TBCK: variants seen among roughly 807,000 people sequenced by gnomAD.
TBCK encodes the protein TBC1 domain containing kinase.
In TBCK, 99 loss-of-function variants were observed where a neutral mutation model predicts 113.4. That is an observed-to-expected ratio of 0.87 (90% CI 0.74 to 1.03). TBCK has a LOEUF of 1.03. TBCK is among the 50% of genes least tolerant of loss of function. The pLI, the probability that TBCK is intolerant of heterozygous loss-of-function variation, is 0.00. For missense variants in TBCK, 1,045 were observed against 1,061.3 expected, an observed-to-expected ratio of 0.98 and a Z score of 0.21; for synonymous variants, 369 against 370.8, an observed-to-expected ratio of 1.00 and a Z score of 0.05.
chr4:106,051,034 G>C (rs1380990188), intron 25 of TBCK, among the ~76,000 whole-genome samples: 3 of 151,864 alleles, frequency 2.0e-5, no homozygotes, highest in African/African-American at 7.3e-5. Context: ...TAAGAGACTG[G>C]CATGTTTGCC....
At chr4:106,250,381 T>C (rs763567597) in intron 7 of TBCK, 37 bp downstream of exon 7, 1 of 1,358,868 alleles carries the variant, frequency 7.4e-7, no homozygotes, top group Non-Finnish European at 1.0e-6. Context: ...GTAAGTTATA[T>C]TTATATTTGA....
At chr4:106,122,638 C>T (rs1481702794) in intron 23 of TBCK, among the ~76,000 whole-genome samples, 1 of 152,126 alleles carries the variant, frequency 6.6e-6, no homozygotes, top group African/African-American at 2.4e-5. Context: ...AAAATACTGG[C>T]AAAACGAATC....
At chr4:106,206,828 A>G (rs1755555759) in intron 20 of TBCK, among the ~76,000 whole-genome samples, 1 of 152,184 alleles carries the variant, frequency 6.6e-6, no homozygotes, top group Non-Finnish European at 1.5e-5. Flanking sequence ...ATCCTTTCAG[A>G]TTGTAGTTAA....
At chr4:106,247,381 A>C (rs1363868195) in intron 9 of TBCK, 94 bp from the exon 10 acceptor site, 20 of 1,155,692 alleles carry the variant, frequency 1.7e-5, no homozygotes, top group Non-Finnish European at 2.3e-5. Flanking sequence ...AAAAGTCTTA[A>C]ATACCTCATT....
At chr4:106,286,034 C>A (rs1765077573) in intron 3 of TBCK, among the ~76,000 whole-genome samples, 1 of 152,098 alleles carries the variant, frequency 6.6e-6, no homozygotes, top group South Asian at 2.1e-4. Context: ...TGGAACTGAA[C>A]CTAAAAGGAT....
chr4:106,215,948 T>C (rs1343312391), intron 19 of TBCK, among the ~76,000 whole-genome samples: 2,597 of 148,452 alleles, frequency 0.017, 64 homozygotes, highest in African/African-American at 0.059. Flanking sequence ...TATTCCAAAA[T>C]TGACCACATA....
At chr4:106,202,547 C>T (rs963569253) in intron 20 of TBCK, among the ~76,000 whole-genome samples, 2 of 151,882 alleles carry the variant, frequency 1.3e-5, no homozygotes, top group Non-Finnish European at 2.9e-5. Flanking sequence ...TTTCCATTTT[C>T]CACCTTTATT....
At chr4:106,095,412 G>A in intron 25 of TBCK, 70 bp downstream of exon 25, 1 of 1,386,720 alleles carries the variant, frequency 7.2e-7, no homozygotes, top group South Asian at 1.5e-5. Context: ...TATACTTTTA[G>A]ATAACCTTCA....
chr4:106,116,301 C>G lies in TBCK; in HGVS notation c.2313G>C (p.Leu771Phe), dbSNP rs368128484. ...AGTGGCCTGTCACTGTGAGCTCACACAAGTCAATCAGGTCCTCTGCTGAAA... is the reference window on the plus strand; with the variant it reads ...AGTGGCCTGTCACTGTGAGCTCACAGAAGTCAATCAGGTCCTCTGCTGAAA... ...PRISAEDLID[L>F]CELTVTGHFK... The change falls in exon 24 of 26, where the codon TTG becomes TTC. Residue 771 changes from leucine (L) to phenylalanine (F), a missense_variant. Transcript: ENST00000394708. 6.2e-7 allele frequency: 1 copy of G among 1,613,550 alleles called. No homozygotes were observed. Among genetic ancestry groups the G allele is most frequent in the Non-Finnish European group, 8.5e-7 (1 of 1,179,970 alleles).
chr4:106,184,476 CACTT>C (rs1752780157), intron 22 of TBCK, among the ~76,000 whole-genome samples: 1 of 151,992 alleles, frequency 6.6e-6, no homozygotes, highest in Non-Finnish European at 1.5e-5. Flanking sequence ...GTATCAGTCA[CACTT>C]ACAGATTACC....
chr4:106,057,397 C>T (rs1371965824), intron 25 of TBCK, among the ~76,000 whole-genome samples: 1 of 151,884 alleles, frequency 6.6e-6, no homozygotes, highest in East Asian at 1.9e-4. Flanking sequence ...AAGTTATTTT[C>T]CAAACGACTT....
intron 19 of TBCK, among the ~76,000 whole-genome samples, chr4:106,216,482 A>T: frequency 6.6e-6 from 1 of 152,174 alleles, no homozygotes; most frequent in Non-Finnish European, 1.5e-5. Flanking sequence ...AGAATAATAA[A>T]GAAAAAAAGA....
At chr4:106,169,863 G>T (rs4422480) in intron 23 of TBCK, among the ~76,000 whole-genome samples, 19,684 of 152,042 alleles carry the variant, frequency 0.13, 1,610 homozygotes, top group South Asian at 0.24. Flanking sequence ...TTCTCATAAG[G>T]AATATGCAAC....
At chr4:106,093,417 G>A (rs959299638) in intron 25 of TBCK, among the ~76,000 whole-genome samples, 5 of 152,174 alleles carry the variant, frequency 3.3e-5, no homozygotes, top group Admixed American at 6.5e-5. Flanking sequence ...TGAGGCAGGA[G>A]AATGGTGTGA....
At chr4:106,076,648 T>C (rs1560611405) in intron 25 of TBCK, among the ~76,000 whole-genome samples, 1 of 152,180 alleles carries the variant, frequency 6.6e-6, no homozygotes, top group African/African-American at 2.4e-5. Flanking sequence ...AAGGGAACTC[T>C]GTCAGGCTCA....
intron 12 of TBCK, chr4:106,237,542 T>C (rs771896518): frequency 8.8e-6 from 4 of 455,656 alleles, no homozygotes; most frequent in South Asian, 3.1e-5. Context: ...TCTGCTCCTA[T>C]GGGGATTGAC....
rs1434030109 is a variant in TBCK, at chr4:106,247,171, G to A, written c.899C>T (p.Thr300Ile). 2.5e-6 allele frequency: 4 copies of A among 1,613,460 alleles called. No individual in the cohort carries two copies. The highest frequency in any genetic ancestry group is 3.4e-6 in the Non-Finnish European group (4 of 1,179,654). ...CAACTGACTGATATCCTCAGGCAGA[G>A]TTAAATCAGCACATCTCAGAGAAGA... ...FSSSLRCADL[T>I]LPEDISQLCK... is the part of the protein sequence containing the mutation. Residue 300 changes from threonine to isoleucine, a missense_variant, in exon 10 of 26, where the codon ACT becomes ATT. Thr to Ile is a moderately conservative substitution (Grantham distance 89). Coordinates refer to ENST00000394708, the MANE Select transcript of TBCK (RefSeq NM_001163435.3).
rs1300051081 is a variant in TBCK at position 106,107,464 on chromosome 4, G to GA, written c.2411+8738dup. The stretch of plus-strand genomic sequence containing the variant: ...CTCAGACCACAGCAAAATAAAAATA[G>GA]AAGTCAACACAATAAAAATCACTCA... On this transcript the variant is annotated intron_variant, in intron 24 of 25. Transcript: ENST00000394708. Among the ~76,000 whole-genome samples, 4 of 152,186 alleles carry GA rather than the reference G, an allele frequency of 2.6e-5. No individual in the cohort carries two copies. The East Asian group carries it at 7.7e-4, about 29-fold the overall frequency.
chr4:106,194,651 A>T, intron 21 of TBCK, 67 bp downstream of exon 21: 1 of 1,191,380 alleles, frequency 8.4e-7, no homozygotes, highest in Non-Finnish European at 1.2e-6. Flanking sequence ...AATATAAAAT[A>T]TGGGGAGGCA....
Sources: allele counts gnomAD v4.1 joint callset (sites outside exome capture counted in the v4.1 genomes callset), GRCh38; gene constraint gnomAD v4.1.1; transcripts MANE v1.5; gene names NCBI Gene and HGNC (gene_info 2026-07-23, HGNC 2026-07-21).